Variants in TAS2R1 observed in about 807,000 individuals in gnomAD.
TAS2R1 encodes the protein taste 2 receptor member 1.
For synonymous variants in TAS2R1, 141 were observed against 134.2 expected (o/e 1.05, Z -0.35); for missense variants, 370 against 353.4 (o/e 1.05, Z -0.38).
intron 2 of TAS2R1, among the ~76,000 whole-genome samples, chr5:9,636,692 T>C (rs1305678709): frequency 1.3e-5 from 2 of 152,122 alleles, no homozygotes; most frequent in Non-Finnish European, 2.9e-5. Flanking sequence ...CCTTTTTGTC[T>C]CTTTTTTACT....
intron 1 of TAS2R1, among the ~76,000 whole-genome samples, chr5:9,681,799 C>A (rs1048183951): frequency 6.6e-6 from 1 of 152,120 alleles, no homozygotes; most frequent in Admixed American, 6.6e-5. Context: ...ATAGGCATTA[C>A]CAGGGAGCTT....
At chr5:9,756,182 T>G in the TAS2R1 span, among the ~76,000 whole-genome samples, 1 of 152,222 alleles carries the variant, frequency 6.6e-6, no homozygotes, top group Non-Finnish European at 1.5e-5. Flanking sequence ...AAGTGCCTGC[T>G]ATAATCCTTT....
At chr5:9,630,809 A>C (rs1739859011), upstream of TAS2R1, among the ~76,000 whole-genome samples, 1 of 152,224 alleles carries the variant, frequency 6.6e-6, no homozygotes, top group Non-Finnish European at 1.5e-5. Flanking sequence ...GTTTTATGAC[A>C]TGAGCTAGTT....
the TAS2R1 span, among the ~76,000 whole-genome samples, chr5:9,718,523 C>T: frequency 1.3e-5 from 2 of 152,010 alleles, 1 homozygote; most frequent in South Asian, 4.2e-4. Flanking sequence ...TGCAGTGGCT[C>T]ACACCTGTAA....
rs533520243 is a variant in TAS2R1 at position 9,691,563 on chromosome 5, C to T, written c.-242+20609G>A. ...TCTTGGAAGATGCCAGATGAGCATG[C>T]CCTTATTTCATATCGTAAGGAAAGG... is the stretch of plus-strand genomic sequence containing the variant. On this transcript the variant is annotated intron_variant, in intron 1 of 2. Coordinates refer to the TAS2R1 transcript ENST00000506620. Among the ~76,000 whole-genome samples, 128 of 152,316 alleles carry T rather than the reference C, an allele frequency of 8.4e-4. 2 individuals are homozygous for T. The South Asian group carries it at 0.025, about 30-fold the overall frequency.
chr5:9,882,406 A>G, the TAS2R1 span, among the ~76,000 whole-genome samples: 3 of 152,162 alleles, frequency 2.0e-5, no homozygotes, highest in Non-Finnish European at 4.4e-5. Flanking sequence ...GGCGGGGATC[A>G]CTTGAGGCCA....
intron 1 of TAS2R1, among the ~76,000 whole-genome samples, chr5:9,672,984 C>A (rs1740799840): frequency 6.6e-6 from 1 of 152,110 alleles, no homozygotes; most frequent in Non-Finnish European, 1.5e-5. Flanking sequence ...AAGATCATGT[C>A]CTTTGCAGCA....
chr5:9,755,597 A>AG, the TAS2R1 span, among the ~76,000 whole-genome samples: 2 of 151,966 alleles, frequency 1.3e-5, no homozygotes, highest in East Asian at 3.9e-4. Context: ...CAAAAAAAAA[A>AG]AAAAAAAAGA....
the TAS2R1 span, chr5:9,890,046 G>A: frequency 6.6e-6 from 1 of 152,136 alleles, no homozygotes; most frequent in African/African-American, 2.4e-5. Context: ...CTGGGTTTAA[G>A]GAGTAATGAA....
At chr5:9,764,723 A>G in the TAS2R1 span, among the ~76,000 whole-genome samples, 1 of 152,222 alleles carries the variant, frequency 6.6e-6, no homozygotes, top group Non-Finnish European at 1.5e-5. Flanking sequence ...ATTTCTCTAG[A>G]TATATCAAAC....
At chr5:9,843,870 A>G in the TAS2R1 span, among the ~76,000 whole-genome samples, 16 of 152,184 alleles carry the variant, frequency 1.1e-4, no homozygotes, top group Non-Finnish European at 2.2e-4. Flanking sequence ...TCCTTTTCCA[A>G]ACTCATTCAG....
At chr5:9,680,438 T>A (rs1462451988) in intron 1 of TAS2R1, among the ~76,000 whole-genome samples, 5 of 152,076 alleles carry the variant, frequency 3.3e-5, no homozygotes, top group Non-Finnish European at 4.4e-5. Flanking sequence ...AAAAAAAGAA[T>A]AACTGTATAG....
the TAS2R1 span, among the ~76,000 whole-genome samples, chr5:9,736,369 T>C: frequency 6.6e-6 from 1 of 152,208 alleles, no homozygotes; most frequent in African/African-American, 2.4e-5. Context: ...GAACACTGGC[T>C]CAGTGTCCAA....
the TAS2R1 span, among the ~76,000 whole-genome samples, chr5:9,902,254 T>C: frequency 1.3e-5 from 2 of 152,112 alleles, no homozygotes; most frequent in African/African-American, 2.4e-5. Context: ...CAGTATGCTA[T>C]TGAGGCATAC....
chr5:9,705,919 A>AC (rs1037876574), intron 1 of TAS2R1, among the ~76,000 whole-genome samples: 19 of 152,150 alleles, frequency 1.2e-4, no homozygotes, highest in African/African-American at 4.1e-4. Context: ...CCAGCAGGTC[A>AC]CCTTACTGGG....
At chr5:9,789,578 A>C in the TAS2R1 span, among the ~76,000 whole-genome samples, 1 of 152,202 alleles carries the variant, frequency 6.6e-6, no homozygotes, top group Admixed American at 6.5e-5. Context: ...AAAATGTGTG[A>C]ATTAAGGTAT....
Position 9,629,716 on chromosome 5 carries a change from T to C in TAS2R1, c.317A>G (p.Lys106Arg), listed in dbSNP as rs1190233705. 1 of 1,613,978 alleles carries C rather than the reference T, an allele frequency of 6.2e-7. No individual in the cohort carries two copies. Among genetic ancestry groups the C allele is most frequent in the East Asian group, 2.2e-5 (1 of 44,882 alleles). The change falls in exon 1 of 1, where the codon AAG (lysine) becomes AGG (arginine). Residue 106 changes from lysine to arginine, a missense_variant. Lys to Arg is a conservative substitution (Grantham distance 26). Transcript: ENST00000382492. ...GAGTGGGTGACGGACGCTGGCAACC[T>C]TGGCACAATAGAAAACGCCGAGCCA... Reference protein sequence around the residue: ...ATWLGVFYCAKVASVRHPLFI... With the variant: ...ATWLGVFYCARVASVRHPLFI...
chr5:9,725,139 C>T, the TAS2R1 span, among the ~76,000 whole-genome samples: 2 of 152,254 alleles, frequency 1.3e-5, no homozygotes, highest in South Asian at 2.1e-4. Context: ...GAGGTGACAG[C>T]GTGCTGGCAG....
chr5:9,695,306 G>T (rs1741335451), intron 1 of TAS2R1, among the ~76,000 whole-genome samples: 1 of 152,138 alleles, frequency 6.6e-6, no homozygotes, highest in African/African-American at 2.4e-5. Flanking sequence ...TAATGTTGAA[G>T]ATTCAGGGAA....
Sources: gnomAD v4.1 joint callset for allele counts (sites outside exome capture counted in the v4.1 genomes callset) on GRCh38, gnomAD v4.1.1 for gene constraint, MANE v1.5 for transcripts, NCBI Gene and HGNC (gene_info 2026-07-23, HGNC 2026-07-21) for gene names.